The following ADCK1 variants were observed in gnomAD, a reference collection of about 807,000 sequenced individuals.
ADCK1 encodes aarF domain-containing protein kinase 1.
A neutral mutation model predicts 52.3 loss-of-function variants in ADCK1; 41 were observed. The ratio of observed to expected loss-of-function variants is 0.78; its 90% CI spans 0.61 to 1.02. The LOEUF is 1.02. Among genes scored for constraint, ADCK1 ranks in the 50% least tolerant of loss-of-function variants. The probability of loss-of-function intolerance (pLI) is 0.00; values close to 1 mark genes in which losing one functional copy is unlikely to be tolerated. For missense variants in ADCK1, 658 were observed against 679.5 expected, an observed-to-expected ratio of 0.97 and a Z score of 0.35; for synonymous variants, 250 against 274.6, an observed-to-expected ratio of 0.91 and a Z score of 0.89.
chr14:77,875,419 A>G (rs8022985), intron 4 of ADCK1, among the ~76,000 whole-genome samples: 80,188 of 151,424 alleles, frequency 0.53, 21,430 homozygotes, highest in South Asian at 0.65. Flanking sequence ...AACGTCGGCA[A>G]GTGGCACTGA....
chr14:77,914,836 C>T (rs1034285522), intron 7 of ADCK1, among the ~76,000 whole-genome samples: 11 of 152,184 alleles, frequency 7.2e-5, no homozygotes, highest in South Asian at 2.1e-4. Flanking sequence ...ATAGAATCTT[C>T]GAGAATCCTC....
chr14:77,830,385 C>T (rs757092200), intron 3 of ADCK1, among the ~76,000 whole-genome samples: 6 of 151,180 alleles, frequency 4.0e-5, no homozygotes, highest in Non-Finnish European at 7.4e-5. Flanking sequence ...GAACTCCTGA[C>T]CTCAAATGAT....
At chr14:77,836,703 T>G (rs902231495) in intron 3 of ADCK1, among the ~76,000 whole-genome samples, 1 of 151,962 alleles carries the variant, frequency 6.6e-6, no homozygotes, top group Non-Finnish European at 1.5e-5. Flanking sequence ...CACCAGGCAT[T>G]CCTGTGGCTG....
intron 3 of ADCK1, among the ~76,000 whole-genome samples, chr14:77,831,745 A>G (rs1055093316): frequency 2.0e-5 from 3 of 151,932 alleles, no homozygotes; most frequent in African/African-American, 4.8e-5. Flanking sequence ...GTGAGCCACA[A>G]TGCCCAGCCT....
At chr14:77,837,465 G>T (rs769341788) in intron 3 of ADCK1, among the ~76,000 whole-genome samples, 1 of 152,158 alleles carries the variant, frequency 6.6e-6, no homozygotes, top group East Asian at 1.9e-4. Context: ...AATTATATCT[G>T]CAAAGACCCT....
intron 4 of ADCK1, among the ~76,000 whole-genome samples, chr14:77,876,781 C>T (rs1382337787): frequency 6.6e-6 from 1 of 152,226 alleles, no homozygotes; most frequent in Non-Finnish European, 1.5e-5. Flanking sequence ...ACCCCCCGAC[C>T]TCCCAAGTGT....
intron 4 of ADCK1, among the ~76,000 whole-genome samples, chr14:77,871,341 C>G (rs2082772520): frequency 6.6e-6 from 1 of 152,092 alleles, no homozygotes; most frequent in African/African-American, 2.4e-5. Flanking sequence ...GATATTCATT[C>G]ATACACCAAC....
chr14:77,845,510 T>C (rs1289479886), intron 3 of ADCK1, among the ~76,000 whole-genome samples: 1 of 152,048 alleles, frequency 6.6e-6, no homozygotes, highest in African/African-American at 2.4e-5. Flanking sequence ...GCAACCTCCA[T>C]CTCCCGGGTT....
intron 7 of ADCK1, among the ~76,000 whole-genome samples, chr14:77,909,950 C>T (rs1013612227): frequency 1.3e-5 from 2 of 152,114 alleles, no homozygotes; most frequent in Non-Finnish European, 2.9e-5. Flanking sequence ...GGGATTGAGA[C>T]CTGAGTCTCC....
chr14:77,875,746 A>C (rs963261110), intron 4 of ADCK1, among the ~76,000 whole-genome samples: 1 of 152,168 alleles, frequency 6.6e-6, no homozygotes, highest in South Asian at 2.1e-4. Flanking sequence ...TGTCGCTTCA[A>C]CTGAGCAGGG....
intron 1 of ADCK1, among the ~76,000 whole-genome samples, chr14:77,815,634 C>T (rs1260657630): frequency 2.7e-5 from 4 of 150,554 alleles, no homozygotes; most frequent in African/African-American, 4.9e-5. Flanking sequence ...TTCTCCTGCC[C>T]CTGCCTCCCG....
Position 77,887,162 on chromosome 14 carries a change from A to C in ADCK1, c.495A>C (p.Ala165=). 6.2e-7 allele frequency: 1 copy of C among 1,610,518 alleles called. No individual in the cohort carries two copies. The highest frequency in any genetic ancestry group is 8.5e-7 in the Non-Finnish European group (1 of 1,178,332). Reference sequence around the variant, plus strand: ...CCTCCCTGGCCCAGGTCCACAAGGCAGTGCTGCATGATGGGCGGACGGTGG... The same window carrying C: ...CCTCCCTGGCCCAGGTCCACAAGGCCGTGCTGCATGATGGGCGGACGGTGG... The part of the protein sequence containing the change: ...GTASLAQVHK[A]VLHDGRTVAV... The change falls in exon 5 of 11, where the codon GCA becomes GCC. Residue 165 remains alanine (A), a synonymous_variant. Transcript: ENST00000238561.
chr14:77,865,666 A>G (rs2082646489), intron 4 of ADCK1, among the ~76,000 whole-genome samples: 1 of 152,214 alleles, frequency 6.6e-6, no homozygotes, highest in South Asian at 2.1e-4. Context: ...GGAGCTTCAT[A>G]GCGAGCCTTG....
chr14:77,921,886 A>C (rs2084070773), intron 7 of ADCK1, among the ~76,000 whole-genome samples: 1 of 152,044 alleles, frequency 6.6e-6, no homozygotes, highest in South Asian at 2.1e-4. Context: ...GATTAGCAAT[A>C]TTTCAGAAAG....
intron 8 of ADCK1, among the ~76,000 whole-genome samples, 196 bp from the exon 9 acceptor site, chr14:77,925,568 A>C (rs961765392): frequency 2.0e-5 from 3 of 152,202 alleles, no homozygotes; most frequent in Admixed American, 2.0e-4. Flanking sequence ...AGTCACTACC[A>C]CTCAGGGTCG....
At chr14:77,896,312 A>T (rs1429345174) in intron 5 of ADCK1, among the ~76,000 whole-genome samples, 1 of 152,130 alleles carries the variant, frequency 6.6e-6, no homozygotes, top group Non-Finnish European at 1.5e-5. Context: ...CCAAGTAGAG[A>T]CCTCACTGGG....
chr14:77,847,185 C>T (rs552279993), intron 3 of ADCK1, among the ~76,000 whole-genome samples: 101 of 152,198 alleles, frequency 6.6e-4, no homozygotes, highest in African/African-American at 2.3e-3. Context: ...GAGCTGATAA[C>T]TGTGGTTGGA....
intron 3 of ADCK1, among the ~76,000 whole-genome samples, chr14:77,825,622 G>A (rs1594884641): frequency 1.3e-5 from 2 of 151,542 alleles, no homozygotes; most frequent in Admixed American, 6.6e-5. Flanking sequence ...TTGAACGAAC[G>A]AGTGAATGAA....
At chr14:77,886,306 G>A (rs758422072) in intron 4 of ADCK1, among the ~76,000 whole-genome samples, 2 of 152,186 alleles carry the variant, frequency 1.3e-5, no homozygotes, top group Non-Finnish European at 2.9e-5. Context: ...TGATCCCTGA[G>A]ATACTGGGGC....
Sources: allele counts gnomAD v4.1 joint callset (sites outside exome capture counted in the v4.1 genomes callset), GRCh38; gene constraint gnomAD v4.1.1; transcripts MANE v1.5; gene names NCBI Gene and HGNC (gene_info 2026-07-23, HGNC 2026-07-21).